Variants in PRPS2 observed in about 807,000 individuals in gnomAD.
The protein encoded by PRPS2 is ribose-phosphate pyrophosphokinase 2.
For missense variants in PRPS2, 104 were observed against 271.5 expected (o/e 0.38, Z 4.34); for synonymous variants, 111 against 115.3 (o/e 0.96, Z 0.24).
At chrX:12,811,435 A>G (rs2042623581) in intron 4 of PRPS2, among the ~76,000 whole-genome samples, 1 of 111,434 alleles carries the variant, frequency 9.0e-6, no homozygotes, top group Non-Finnish European at 1.9e-5. Context: ...TGAGCACAAT[A>G]AGAGAATGCT....
At chrX:12,818,255 C>T (rs1292032263) in intron 4 of PRPS2, among the ~76,000 whole-genome samples, 5 of 107,733 alleles carry the variant, frequency 4.6e-5, no homozygotes, top group Non-Finnish European at 1.9e-5. Flanking sequence ...ATCACCCCAG[C>T]TACTCAGGAG....
intron 2 of PRPS2, among the ~76,000 whole-genome samples, chrX:12,802,639 G>A (rs111563228): frequency 8.9e-6 from 1 of 112,285 alleles, no homozygotes; most frequent in Non-Finnish European, 1.9e-5. Context: ...GCGCCCAGCC[G>A]GCTTTAACTG....
At chrX:12,815,558 A>C (rs1338581789) in intron 4 of PRPS2, among the ~76,000 whole-genome samples, 1 of 111,643 alleles carries the variant, frequency 9.0e-6, no homozygotes, top group Non-Finnish European at 1.9e-5. Flanking sequence ...AACCTGTCTC[A>C]TGTTCCCAGA....
chrX:12,797,262 G>A (rs1211057702), intron 1 of PRPS2, among the ~76,000 whole-genome samples: 2 of 110,316 alleles, frequency 1.8e-5, no homozygotes, highest in Non-Finnish European at 3.8e-5. Context: ...GGAGGCTGAG[G>A]CAGGATAATC....
intron 5 of PRPS2, 96 bp downstream of exon 5, chrX:12,819,776 C>A: frequency 1.0e-6 from 1 of 1,000,926 alleles, no homozygotes; most frequent in South Asian, 2.7e-5. Flanking sequence ...TGATTATTGC[C>A]GGTCTTGGCA....
chrX:12,802,270 C>T (rs1273938607), intron 2 of PRPS2, among the ~76,000 whole-genome samples: 1 of 111,986 alleles, frequency 8.9e-6, no homozygotes, highest in African/African-American at 3.2e-5. Flanking sequence ...GTAGTGCTCC[C>T]AGCCACCACT....
At chrX:12,805,731 C>A (rs1445012730) in intron 2 of PRPS2, among the ~76,000 whole-genome samples, 2 of 111,931 alleles carry the variant, frequency 1.8e-5, no homozygotes, top group African/African-American at 6.5e-5. Flanking sequence ...TTTGCCGGTC[C>A]CTGCTATAGA....
intron 4 of PRPS2, among the ~76,000 whole-genome samples, chrX:12,814,425 C>A (rs1297694255): frequency 1.8e-5 from 2 of 112,258 alleles, no homozygotes; most frequent in Non-Finnish European, 3.8e-5. Flanking sequence ...TTCTAGCCCC[C>A]AACTGACAGT....
intron 4 of PRPS2, among the ~76,000 whole-genome samples, chrX:12,814,469 A>G (rs1229152653): frequency 8.9e-6 from 1 of 112,787 alleles, no homozygotes; most frequent in Non-Finnish European, 1.9e-5. Flanking sequence ...AATACATGAC[A>G]TATGCAGTTG....
chrX:12,805,886 A>G (rs1474135495), intron 2 of PRPS2, among the ~76,000 whole-genome samples: 1 of 111,957 alleles, frequency 8.9e-6, no homozygotes, highest in African/African-American at 3.2e-5. Context: ...GAGCCTGGCC[A>G]ACATGGTGAA....
chrX:12,822,385 A>G lies in PRPS2; in HGVS notation c.865-319A>G, dbSNP rs937612350. ...AGAAACAGAAAGAAAAACCTTCCGTATAATGATTAAACTTAATTTAAAACA... is the reference window on the plus strand; with the variant it reads ...AGAAACAGAAAGAAAAACCTTCCGTGTAATGATTAAACTTAATTTAAAACA... On this transcript the variant is annotated intron_variant, in intron 6 of 6. Coordinates refer to ENST00000380668, the MANE Select transcript of PRPS2 (RefSeq NM_002765.5). Among the ~76,000 whole-genome samples, 7 of 112,350 alleles carry G rather than the reference A, an allele frequency of 6.2e-5. No individual in the cohort carries two copies. In the Middle Eastern group the frequency reaches 0.019, roughly 297 times the overall value.
At chrX:12,820,080 C>T (rs1318165374) in intron 5 of PRPS2, among the ~76,000 whole-genome samples, 1 of 112,405 alleles carries the variant, frequency 8.9e-6, no homozygotes, top group East Asian at 2.8e-4. Flanking sequence ...CCCAGCCACA[C>T]GTGGCCGTGG....
At chrX:12,809,003 G>C (rs761082804) in intron 2 of PRPS2, among the ~76,000 whole-genome samples, 1 of 111,751 alleles carries the variant, frequency 8.9e-6, no homozygotes, top group East Asian at 2.8e-4. Context: ...TTTCATATTT[G>C]TTCTCTATAC....
intron 2 of PRPS2, among the ~76,000 whole-genome samples, chrX:12,804,707 C>A (rs1426684994): frequency 9.0e-6 from 1 of 111,289 alleles, no homozygotes; most frequent in Non-Finnish European, 1.9e-5. Flanking sequence ...AGGGGAAATG[C>A]ACTTCTACCT....
At chrX:12,822,570 C>T (rs2042681314) in intron 6 of PRPS2, 134 bp from the exon 7 acceptor site, 2 of 587,994 alleles carry the variant, frequency 3.4e-6, no homozygotes, top group Non-Finnish European at 5.7e-6. Flanking sequence ...TCAAAAGTGT[C>T]GGAAGTTTTG....
rs185794531 is a variant in PRPS2, at chrX:12,813,443, T to A, written c.530+3297T>A. Among the ~76,000 whole-genome samples, 3 of 112,495 alleles carry A rather than the reference T, an allele frequency of 2.7e-5. No individual in the cohort carries two copies. In the East Asian group the frequency reaches 8.3e-4, roughly 31 times the overall value. On this transcript the variant is annotated intron_variant, in intron 4 of 6. Transcript: ENST00000380668. ...GTAGGATACGTTCCTAGAAGTGGAA[T>A]TGCCGAGTCAAAAGGCATGAGCCAT...
intron 4 of PRPS2, among the ~76,000 whole-genome samples, chrX:12,816,503 A>G (rs1314916843): frequency 9.0e-6 from 1 of 110,599 alleles, no homozygotes; most frequent in Non-Finnish European, 1.9e-5. Context: ...GGGTTTTACT[A>G]TGTTGCCCAG....
rs781392528 is a variant in PRPS2, at chrX:12,810,064, G to A, written c.448G>A (p.Ala150Thr). The change falls in exon 4 of 7, where the codon GCA (alanine) becomes ACA (threonine). Residue 150 changes from alanine (A) to threonine (T), a missense_variant. Coordinates refer to ENST00000380668, the MANE Select transcript of PRPS2 (RefSeq NM_002765.5). ...TGTGGATAATTTGTATGCGGAGCCC[G>A]CAGTCCTGCAGTGGATTCGGGAAAA... is the stretch of plus-strand genomic sequence containing the variant. ...IPVDNLYAEP[A>T]VLQWIRENIA... 21 of 1,210,120 alleles carry A rather than the reference G, an allele frequency of 1.7e-5. No individual in the cohort carries two copies. The highest frequency in any genetic ancestry group is 2.3e-5 in the Non-Finnish European group (21 of 894,542).
Position 12,823,804 on chromosome X carries a change from A to G in PRPS2, c.*1008A>G. On this transcript the variant is annotated 3_prime_UTR_variant, in exon 7 of 7. Coordinates refer to ENST00000380668, the MANE Select transcript of PRPS2 (RefSeq NM_002765.5). ...CTGGACTTAGCCACACACAATGGAA[A>G]TTCAGACCTTGACTATTTGGTGTTT... is the stretch of plus-strand genomic sequence containing the variant. 8.9e-6 allele frequency: 1 copy of G among 112,428 alleles called. No individual in the cohort carries two copies. Among genetic ancestry groups the G allele is most frequent in the Non-Finnish European group, 1.9e-5 (1 of 53,311 alleles). The allele number at this position is 112,428 out of a possible 1,213,427, so 9.3% of individuals were successfully genotyped here.
Sources: gnomAD v4.1 joint callset for allele counts (sites outside exome capture counted in the v4.1 genomes callset) on GRCh38, gnomAD v4.1.1 for gene constraint, MANE v1.5 for transcripts, NCBI Gene and HGNC (gene_info 2026-07-23, HGNC 2026-07-21) for gene names.